The following RSBN1L variants were observed in gnomAD, a reference collection of about 807,000 sequenced individuals.
RSBN1L encodes lysine-specific demethylase RSBN1L.
RSBN1L carries 30 observed loss-of-function variants against 67.7 expected under a neutral mutation model. That is an observed-to-expected ratio of 0.44 (90% CI 0.33 to 0.60). The LOEUF (loss-of-function observed/expected upper bound fraction) is 0.60, where lower values mean the gene tolerates loss of function less well. RSBN1L is among the 20% of genes least tolerant of loss of function. RSBN1L has a pLI of 0.02. For synonymous variants in RSBN1L, 433 were observed against 387.0 expected (o/e 1.12, Z -1.39); for missense variants, 992 against 1,031.7 (o/e 0.96, Z 0.53).
chr7:77,718,338 G>C (rs1791074714), intron 1 of RSBN1L, among the ~76,000 whole-genome samples: 1 of 152,118 alleles, frequency 6.6e-6, no homozygotes, highest in Admixed American at 6.6e-5. Context: ...GAGTCTCACT[G>C]TTGCCTAGGC....
intron 3 of RSBN1L, among the ~76,000 whole-genome samples, chr7:77,764,408 T>C (rs571525084): frequency 6.6e-6 from 1 of 152,334 alleles, no homozygotes; most frequent in African/African-American, 2.4e-5. Flanking sequence ...AATCTTGAGG[T>C]GCACATGGCT....
rs1042776120 is a variant in RSBN1L at position 77,780,135 on chromosome 7, A to T, written c.*967A>T. 6.6e-6 allele frequency: 1 copy of T among 152,102 alleles called. No individual in the cohort carries two copies. The highest frequency in any genetic ancestry group is 1.5e-5 in the Non-Finnish European group (1 of 68,074). The allele number at this position is 152,102 out of a possible 1,614,324, so 9.4% of individuals were successfully genotyped here. A position where few individuals can be genotyped will look rare whatever the true frequency, so the allele number is the denominator to read the frequency against. Reference sequence around the variant, plus strand: ...GTGAGCCACAGCGCCCAGCCTATGCAGGCATTTTTAACAACCAAGACTCAG... The same window carrying T: ...GTGAGCCACAGCGCCCAGCCTATGCTGGCATTTTTAACAACCAAGACTCAG... On this transcript the variant is annotated 3_prime_UTR_variant, in exon 8 of 8. Transcript: ENST00000334955.
Position 77,778,822 on chromosome 7 carries a change from A to G in RSBN1L, c.2195A>G (p.Lys732Arg), listed in dbSNP as rs771045408. Residue 732 changes from lysine (K) to arginine (R), a missense_variant, in exon 8 of 8, where the codon AAA becomes AGA. Lys to Arg is a conservative substitution (Grantham distance 26). This residue lies in a region of RSBN1L where 199 missense variants were observed against 167.7 expected (regional missense o/e 1.19). Transcript: ENST00000334955. The stretch of plus-strand genomic sequence containing the variant: ...GACAACATGATTTGTGCTGTAAGCA[A>G]AGCCTCCTTGGATTCTGTTTTTTCA... Reference protein sequence around the residue: ...HTDNMICAVSKASLDSVFSDK... With the variant: ...HTDNMICAVSRASLDSVFSDK... 30 of 1,614,000 alleles carry G rather than the reference A, an allele frequency of 1.9e-5. 1 individual carries two copies. In the African/African-American group the frequency reaches 3.1e-4, roughly 17 times the overall value.
At chr7:77,769,062 A>G (rs955891740) in intron 5 of RSBN1L, among the ~76,000 whole-genome samples, 4 of 152,248 alleles carry the variant, frequency 2.6e-5, no homozygotes, top group Non-Finnish European at 2.9e-5. Flanking sequence ...TTTAGAATAA[A>G]TGTAATATTC....
At chr7:77,730,569 A>G (rs1185067951) in intron 1 of RSBN1L, among the ~76,000 whole-genome samples, 1 of 152,140 alleles carries the variant, frequency 6.6e-6, no homozygotes, top group Admixed American at 6.5e-5. Context: ...CCTCCCCACT[A>G]TACCCTGGCA....
chr7:77,721,003 A>T (rs1298042353), intron 1 of RSBN1L, among the ~76,000 whole-genome samples: 1 of 151,532 alleles, frequency 6.6e-6, no homozygotes, highest in Non-Finnish European at 1.5e-5. Context: ...CGGCATGCCA[A>T]AGTGCTGGGA....
intron 1 of RSBN1L, among the ~76,000 whole-genome samples, chr7:77,733,122 T>G (rs1410566315): frequency 6.6e-6 from 1 of 152,124 alleles, no homozygotes; most frequent in Non-Finnish European, 1.5e-5. Flanking sequence ...AGCGAGACCC[T>G]GTCTCTATTA....
intron 3 of RSBN1L, among the ~76,000 whole-genome samples, chr7:77,758,506 A>G (rs1791650951): frequency 1.3e-5 from 2 of 152,192 alleles, no homozygotes; most frequent in Non-Finnish European, 2.9e-5. Context: ...CCAGTTAACA[A>G]CACTCTTTTA....
chr7:77,768,546 T>G (rs1791804546), intron 4 of RSBN1L, 115 bp from the exon 5 acceptor site: 1 of 874,906 alleles, frequency 1.1e-6, no homozygotes, highest in East Asian at 2.6e-5. Flanking sequence ...TTCAGATGCT[T>G]AAGTATAAAG....
chr7:77,739,841 C>A (rs1232480974), intron 2 of RSBN1L, among the ~76,000 whole-genome samples: 1 of 130,128 alleles, frequency 7.7e-6, no homozygotes, highest in Non-Finnish European at 1.6e-5. Context: ...ACTCTGCCTC[C>A]TGGGTTCAAG....
chr7:77,753,758 C>T (rs983180486), intron 3 of RSBN1L, among the ~76,000 whole-genome samples: 2 of 152,078 alleles, frequency 1.3e-5, no homozygotes, highest in Non-Finnish European at 2.9e-5. Context: ...ATGGTTAAAT[C>T]TATAGTTAAT....
intron 1 of RSBN1L, among the ~76,000 whole-genome samples, chr7:77,724,293 A>G (rs1791162042): frequency 1.3e-5 from 2 of 152,028 alleles, no homozygotes; most frequent in African/African-American, 4.8e-5. Context: ...ATCTCCTTCT[A>G]ATATACTGAG....
At position 77,765,606 on chromosome 7, in the gene RSBN1L, A is replaced by C; in HGVS notation, c.1456A>C (p.Met486Leu). 1 of 1,606,878 alleles carries C rather than the reference A, an allele frequency of 6.2e-7. No individual in the cohort carries two copies. Residue 486 changes from methionine to leucine, a missense_variant, in exon 4 of 8, where the codon ATG becomes CTG. Physicochemically the swap from Met to Leu is conservative, Grantham distance 15. Coordinates refer to ENST00000334955, the MANE Select transcript of RSBN1L (RefSeq NM_198467.3). ...VGDYFPEFLD[M>L]LEESPFLKCT... ...AGATTATTTCCCTGAGTTCCTTGAC[A>C]TGTTGGAAGAGTCACCATTTTTAAA...
intron 1 of RSBN1L, among the ~76,000 whole-genome samples, chr7:77,711,715 T>G (rs1790977451): frequency 6.6e-6 from 1 of 152,226 alleles, no homozygotes; most frequent in South Asian, 2.1e-4. Flanking sequence ...GGAATACTTT[T>G]TCTTATTTTA....
chr7:77,732,447 C>T (rs901685157), intron 1 of RSBN1L, among the ~76,000 whole-genome samples: 1 of 152,114 alleles, frequency 6.6e-6, no homozygotes, highest in Non-Finnish European at 1.5e-5. Context: ...ATTCTCCTGC[C>T]TCAGCCTACC....
At chr7:77,719,474 T>C (rs966900910) in intron 1 of RSBN1L, among the ~76,000 whole-genome samples, 1 of 152,154 alleles carries the variant, frequency 6.6e-6, no homozygotes, top group Non-Finnish European at 1.5e-5. Context: ...GACTTAGAGG[T>C]CTAAGAATGC....
chr7:77,727,089 C>CTTTT (rs35249892), intron 1 of RSBN1L, among the ~76,000 whole-genome samples: 2 of 116,992 alleles, frequency 1.7e-5, no homozygotes, highest in Non-Finnish European at 1.8e-5. Context: ...CCATCATCTG[C>CTTTT]TTTTTTTTTT....
intron 2 of RSBN1L, 117 bp downstream of exon 2, chr7:77,736,643 T>C (rs1343582972): frequency 4.4e-6 from 2 of 456,784 alleles, no homozygotes; most frequent in Non-Finnish European, 3.8e-6. Context: ...GAATGAACAA[T>C]GATGAGGAAA....
At position 77,749,914 on chromosome 7, in the gene RSBN1L, C is replaced by G. The variant is rs748412110; in HGVS notation, c.1194C>G (p.Phe398Leu). ...VFSENENSAA[F>L]YVMGIVHGAA... is the part of the protein sequence containing the mutation. The stretch of plus-strand genomic sequence containing the variant: ...GTGAAAATGAAAACTCTGCAGCTTT[C>G]TACGTGATGGGTATTGTTCATGGGG... Residue 398 changes from phenylalanine (F) to leucine (L), a missense_variant, in exon 3 of 8, where the codon TTC becomes TTG. By Grantham distance (22) the Phe-to-Leu change is conservative (BLOSUM62 0). Around this residue, in one of 7 missense-constraint regions of RSBN1L, gnomAD observed 63 missense variants for 84.8 expected, o/e 0.74. Transcript: ENST00000334955. The G allele has an allele frequency of 6.2e-7, 1 of 1,614,102 alleles. No homozygotes were observed. The highest frequency in any genetic ancestry group is 1.3e-5 in the African/African-American group (1 of 75,038).
Sources: gnomAD v4.1 joint callset for allele counts (sites outside exome capture counted in the v4.1 genomes callset) on GRCh38, gnomAD v4.1.1 for gene constraint, gnomAD v4.1.1 regional missense constraint, MANE v1.5 for transcripts, NCBI Gene and HGNC (gene_info 2026-07-23, HGNC 2026-07-21) for gene names.